Variants in ST18 observed in about 807,000 individuals in gnomAD.
ST18 encodes the protein suppression of tumorigenicity 18 protein.
Under a neutral mutation model 110.0 loss-of-function variants are expected in ST18, and 50 were observed. The observed-to-expected ratio is 0.45, with a 90% CI of 0.36 to 0.58. ST18 has a LOEUF of 0.58. ST18 is among the 20% of genes least tolerant of loss of function. The pLI is 0.00. For missense variants in ST18, 1,306 were observed against 1,280.1 expected (o/e 1.02, Z -0.31); for synonymous variants, 461 against 452.4 (o/e 1.02, Z -0.24).
intron 8 of ST18, among the ~76,000 whole-genome samples, chr8:52,203,913 G>A (rs575354740): frequency 2.6e-5 from 4 of 152,222 alleles, no homozygotes; most frequent in Admixed American, 2.0e-4. Flanking sequence ...GGAATTTGAC[G>A]GAGACTTCAG....
At chr8:52,403,377 G>T (rs559032478) in intron 2 of ST18, 1 of 152,356 alleles carries the variant, frequency 6.6e-6, no homozygotes, top group Non-Finnish European at 1.5e-5. Context: ...CTTTGGAGCA[G>T]TGCAGCTATG....
intron 10 of ST18, among the ~76,000 whole-genome samples, chr8:52,171,052 A>G (rs898705158): frequency 6.6e-6 from 1 of 152,162 alleles, no homozygotes; most frequent in African/African-American, 2.4e-5. Context: ...CAAATGCTGG[A>G]GAACTGATGA....
chr8:52,311,042 G>A (rs567601795), intron 2 of ST18, among the ~76,000 whole-genome samples: 2 of 152,338 alleles, frequency 1.3e-5, no homozygotes, highest in South Asian at 4.1e-4. Flanking sequence ...ACATGGAAAC[G>A]AACTAAAGAC....
intron 18 of ST18, among the ~76,000 whole-genome samples, chr8:52,136,879 G>A (rs566866316): frequency 6.6e-6 from 1 of 152,218 alleles, no homozygotes; most frequent in Admixed American, 6.5e-5. Flanking sequence ...TCAAATGAAT[G>A]ACTTTAGCCC....
At chr8:52,240,550 C>T (rs2137552346) in intron 2 of ST18, among the ~76,000 whole-genome samples, 1 of 152,256 alleles carries the variant, frequency 6.6e-6, no homozygotes, top group East Asian at 1.9e-4. Flanking sequence ...ACATTTGTTT[C>T]CTATTTCATC....
chr8:52,228,374 C>T (rs980834556), intron 3 of ST18, among the ~76,000 whole-genome samples: 22 of 152,114 alleles, frequency 1.4e-4, no homozygotes, highest in African/African-American at 5.3e-4. Context: ...ATAACACAGT[C>T]CCTAGTTCTT....
chr8:52,141,055 A>G (rs1211074165), intron 17 of ST18, among the ~76,000 whole-genome samples: 1 of 152,304 alleles, frequency 6.6e-6, no homozygotes, highest in African/African-American at 2.4e-5. Context: ...AAGCCGATTT[A>G]AGTTCCAGCA....
intron 2 of ST18, among the ~76,000 whole-genome samples, chr8:52,288,462 G>A (rs1263852215): frequency 1.3e-5 from 2 of 152,164 alleles, no homozygotes; most frequent in Admixed American, 1.3e-4. Context: ...CACTTTGAGA[G>A]ACAGAGGCCG....
intron 2 of ST18, among the ~76,000 whole-genome samples, chr8:52,386,114 G>C (rs1223517245): frequency 1.3e-5 from 2 of 152,124 alleles, no homozygotes; most frequent in Non-Finnish European, 2.9e-5. Flanking sequence ...GAAAACTATA[G>C]ATAGTAGAAA....
At chr8:52,133,702 GT>G (rs1194553700) in intron 19 of ST18, among the ~76,000 whole-genome samples, 1 of 148,242 alleles carries the variant, frequency 6.7e-6, no homozygotes, top group African/African-American at 2.5e-5. Context: ...AAAAAGAAAA[GT>G]TTTCCAAATT....
rs554478512 is a variant in ST18, at chr8:52,180,158, C to T, written c.241G>A (p.Asp81Asn). Reference protein sequence around the residue: ...QEDRSDRTEDDGPLETHGHST... With the variant: ...QEDRSDRTEDNGPLETHGHST... ...TGACCATGTGTTTCCAAGGGGCCAT[C>T]GTCCTCTGTCCTGTCACTGCGGTCT... The change falls in exon 9 of 26, where the codon GAT (aspartate) becomes AAT (asparagine). Residue 81 changes from aspartate (D) to asparagine (N), a missense_variant. Physicochemically the swap from Asp to Asn is conservative, Grantham distance 23 (BLOSUM62 1). Transcript: ENST00000689386. The T allele has an allele frequency of 2.1e-5, 34 of 1,614,082 alleles. No individual in the cohort carries two copies. The highest frequency in any genetic ancestry group is 2.7e-5 in the African/African-American group (2 of 75,002).
intron 2 of ST18, among the ~76,000 whole-genome samples, chr8:52,239,464 T>C (rs112375094): frequency 0.035 from 5,303 of 152,150 alleles, 294 homozygotes; most frequent in African/African-American, 0.12. Context: ...CAGCTTTGAG[T>C]GCTGGCATCA....
intron 2 of ST18, among the ~76,000 whole-genome samples, chr8:52,258,692 C>A (rs76866286): frequency 0.043 from 6,552 of 152,218 alleles, 226 homozygotes; most frequent in Admixed American, 0.085. Flanking sequence ...ACTTTTGCTA[C>A]TTCCTTTCCA....
chr8:52,348,805 T>A (rs1329663804), intron 2 of ST18, among the ~76,000 whole-genome samples: 1 of 152,218 alleles, frequency 6.6e-6, no homozygotes, highest in African/African-American at 2.4e-5. Context: ...ATATACATTG[T>A]GAAATGACTA....
intron 2 of ST18, among the ~76,000 whole-genome samples, chr8:52,271,622 C>T (rs899452200): frequency 6.6e-6 from 1 of 152,178 alleles, no homozygotes; most frequent in Non-Finnish European, 1.5e-5. Flanking sequence ...TCCACCCATG[C>T]GTTATTAATA....
chr8:52,186,090 A>G (rs2072063274), intron 8 of ST18, among the ~76,000 whole-genome samples: 1 of 152,216 alleles, frequency 6.6e-6, no homozygotes, highest in African/African-American at 2.4e-5. Context: ...ACTCTTCTAT[A>G]TGTATGTCAT....
intron 8 of ST18, among the ~76,000 whole-genome samples, chr8:52,187,834 G>A (rs942069272): frequency 6.6e-5 from 10 of 152,122 alleles, no homozygotes; most frequent in African/African-American, 2.2e-4. Flanking sequence ...GAGTTAATTT[G>A]CATTTCTATA....
intron 2 of ST18, among the ~76,000 whole-genome samples, chr8:52,236,755 C>A (rs1334728798): frequency 6.6e-6 from 1 of 152,100 alleles, no homozygotes. Flanking sequence ...AGCTTTTGTG[C>A]TGAATTAGAC....
At chr8:52,391,355 G>A (rs923636919) in intron 2 of ST18, among the ~76,000 whole-genome samples, 6 of 152,208 alleles carry the variant, frequency 3.9e-5, no homozygotes, top group African/African-American at 9.6e-5. Flanking sequence ...ACAGGCCAGC[G>A]AGGGTGCAGA....
Sources: gnomAD v4.1 joint callset for allele counts (sites outside exome capture counted in the v4.1 genomes callset) on GRCh38, gnomAD v4.1.1 for gene constraint, MANE v1.5 for transcripts, NCBI Gene and HGNC (gene_info 2026-07-23, HGNC 2026-07-21) for gene names.